Variants in FGGY observed in about 807,000 individuals in gnomAD.
The protein encoded by FGGY is FGGY carbohydrate kinase domain containing, also known as FGGY carbohydrate kinase domain-containing protein.
Under a neutral mutation model 71.3 loss-of-function variants are expected in FGGY, and 72 were observed. The observed-to-expected ratio is 1.01, with a 90% CI of 0.84 to 1.23. The LOEUF is 1.23. FGGY is among the 50% of genes most tolerant of loss of function. FGGY has a pLI of 0.00. For missense variants in FGGY, 668 were observed against 682.3 expected, an observed-to-expected ratio of 0.98 and a Z score of 0.23; for synonymous variants, 251 against 250.3, an observed-to-expected ratio of 1.00 and a Z score of -0.02.
chr1:59,423,420 A>G (rs914235461), intron 5 of FGGY, among the ~76,000 whole-genome samples: 2 of 152,140 alleles, frequency 1.3e-5, no homozygotes, highest in East Asian at 3.9e-4. Flanking sequence ...TGATACCGTG[A>G]AGATCAATAT....
rs1446554930 is a variant in FGGY at position 59,584,942 on chromosome 1, G to C, written c.904-22861G>C. On this transcript the variant is annotated intron_variant, in intron 8 of 15. Transcript: ENST00000303721. Reference sequence around the variant, plus strand: ...CAATTGCTTCAAAGAGAATAAAATAGCTAGGAATCCAACTTACAAGGGACG... The same window carrying C: ...CAATTGCTTCAAAGAGAATAAAATACCTAGGAATCCAACTTACAAGGGACG... Among the ~76,000 whole-genome samples the C allele has an allele frequency of 1.3e-4, 19 of 151,564 alleles. 1 individual carries two copies. The highest frequency in any genetic ancestry group is 1.9e-4 in the East Asian group (1 of 5,168).
At chr1:59,334,819 G>A (rs539305885) in intron 2 of FGGY, among the ~76,000 whole-genome samples, 6 of 152,104 alleles carry the variant, frequency 3.9e-5, no homozygotes, top group South Asian at 2.1e-4. Flanking sequence ...GAAACTGGTC[G>A]CTCATGCTTT....
At position 59,639,435 on chromosome 1, in the gene FGGY, G is replaced by A. The variant is rs56407418; in HGVS notation, c.1221+1060G>A. Among the ~76,000 whole-genome samples, 538 of 152,292 alleles carry A rather than the reference G, an allele frequency of 3.5e-3. 4 individuals are homozygous for A. Among genetic ancestry groups the A allele is most frequent in the African/African-American group, 0.012 (514 of 41,562 alleles). On this transcript the variant is annotated intron_variant, in intron 11 of 15. Coordinates refer to ENST00000303721, the MANE Select transcript of FGGY (RefSeq NM_018291.5). Reference sequence around the variant, plus strand: ...ATGACAAAGGTTATGTTGATCTGGAGTCCATGAAGCATGCCTACACAACAA... The same window carrying A: ...ATGACAAAGGTTATGTTGATCTGGAATCCATGAAGCATGCCTACACAACAA...
intron 1 of FGGY, among the ~76,000 whole-genome samples, chr1:59,318,191 TG>T (rs2045791725): frequency 6.6e-6 from 1 of 152,186 alleles, no homozygotes; most frequent in Non-Finnish European, 1.5e-5. Context: ...ATCAGTAAAA[TG>T]GGAGTGATCA....
chr1:59,559,252 T>C (rs1405679771), intron 8 of FGGY, among the ~76,000 whole-genome samples: 1 of 152,212 alleles, frequency 6.6e-6, no homozygotes, highest in African/African-American at 2.4e-5. Flanking sequence ...ATCTTCACAA[T>C]TTATGTTCAG....
chr1:59,592,263 G>A (rs780026193), intron 8 of FGGY, among the ~76,000 whole-genome samples: 4,468 of 151,128 alleles, frequency 0.03, 81 homozygotes, highest in Middle Eastern at 0.099. Flanking sequence ...TAGAATGGCA[G>A]TCATTAAAAA....
intron 1 of FGGY, among the ~76,000 whole-genome samples, chr1:59,303,588 G>A (rs1254304983): frequency 6.6e-6 from 1 of 152,074 alleles, no homozygotes; most frequent in Admixed American, 6.6e-5. Flanking sequence ...ACACCAAGTA[G>A]TGATTTCATT....
intron 1 of FGGY, among the ~76,000 whole-genome samples, chr1:59,302,649 A>C (rs936550397): frequency 6.6e-6 from 1 of 152,164 alleles, no homozygotes; most frequent in African/African-American, 2.4e-5. Context: ...GGAACAACAG[A>C]CACTGAGATC....
chr1:59,571,976 A>G (rs557112508), intron 8 of FGGY, among the ~76,000 whole-genome samples: 59 of 152,340 alleles, frequency 3.9e-4, no homozygotes, highest in Non-Finnish European at 7.1e-4. Flanking sequence ...AAATATCAGG[A>G]CACTGGTGAA....
intron 2 of FGGY, among the ~76,000 whole-genome samples, chr1:59,327,437 A>G (rs1477453938): frequency 1.3e-5 from 2 of 152,154 alleles, no homozygotes; most frequent in Admixed American, 6.5e-5. Flanking sequence ...CAGCAATTCA[A>G]TTTCATCTTC....
intron 5 of FGGY, among the ~76,000 whole-genome samples, chr1:59,395,376 A>T (rs938342560): frequency 6.6e-6 from 1 of 152,154 alleles, no homozygotes; most frequent in African/African-American, 2.4e-5. Context: ...AGGTGTTTTT[A>T]ATGCCTGATT....
intron 14 of FGGY, among the ~76,000 whole-genome samples, chr1:59,683,015 A>G (rs1194474304): frequency 6.6e-6 from 1 of 152,186 alleles, no homozygotes; most frequent in Non-Finnish European, 1.5e-5. Context: ...GGGCCCTTTG[A>G]ATAGCACTAA....
chr1:59,529,156 A>G (rs1024485284), intron 7 of FGGY, among the ~76,000 whole-genome samples: 6 of 152,248 alleles, frequency 3.9e-5, no homozygotes, highest in African/African-American at 1.4e-4. Context: ...GCACTAGACT[A>G]GTTACTGTGG....
At chr1:59,532,425 T>C (rs1259366196) in intron 7 of FGGY, among the ~76,000 whole-genome samples, 5 of 152,092 alleles carry the variant, frequency 3.3e-5, no homozygotes, top group African/African-American at 7.2e-5. Context: ...AGAAGAGAGA[T>C]AATAAATCAT....
chr1:59,525,873 G>A (rs1307341647), intron 7 of FGGY, among the ~76,000 whole-genome samples: 2 of 151,764 alleles, frequency 1.3e-5, no homozygotes, highest in Non-Finnish European at 1.5e-5. Flanking sequence ...ATATTTATAA[G>A]TGTCTTCATA....
chr1:59,330,444 C>T (rs946877717), intron 2 of FGGY, among the ~76,000 whole-genome samples: 96 of 152,070 alleles, frequency 6.3e-4, no homozygotes, highest in African/African-American at 2.0e-3. Context: ...TGGTGTGCGC[C>T]TGTAATCCCA....
chr1:59,525,666 C>G (rs763639295), intron 7 of FGGY, among the ~76,000 whole-genome samples: 6 of 152,176 alleles, frequency 3.9e-5, no homozygotes, highest in Non-Finnish European at 7.3e-5. Context: ...TAGATGACGT[C>G]TTCCTTCTGT....
chr1:59,706,682 G>A (rs1218555692), intron 14 of FGGY, among the ~76,000 whole-genome samples: 2 of 152,142 alleles, frequency 1.3e-5, no homozygotes, highest in Admixed American at 1.3e-4. Context: ...AAAAAGACAG[G>A]AATGAATATA....
Position 59,432,737 on chromosome 1 carries a change from T to A in FGGY, c.555-24224T>A, listed in dbSNP as rs189180493. Among the ~76,000 whole-genome samples, 350 of 152,338 alleles carry A rather than the reference T, an allele frequency of 2.3e-3. 1 individual carries two copies. Among genetic ancestry groups the A allele is most frequent in the Admixed American group, 5.3e-3 (81 of 15,298 alleles). ...AATTCTAGTAGTAGTCACAGTGGTG[T>A]TTCTCTAGTAGAAGCTGTAATAGTA... On this transcript the variant is annotated intron_variant, in intron 5 of 15. Transcript: ENST00000303721.
Sources: gnomAD v4.1 joint callset for allele counts (sites outside exome capture counted in the v4.1 genomes callset) on GRCh38, gnomAD v4.1.1 for gene constraint, MANE v1.5 for transcripts, NCBI Gene and HGNC (gene_info 2026-07-23, HGNC 2026-07-21) for gene names.